The following MAF variants were observed in gnomAD, a reference collection of about 807,000 sequenced individuals.
MAF encodes the protein transcription factor Maf.
Under a neutral mutation model 22.0 loss-of-function variants are expected in MAF, and 10 were observed. That is an observed-to-expected ratio of 0.45 (90% CI 0.28 to 0.77). The LOEUF (loss-of-function observed/expected upper bound fraction) is 0.77, where lower values mean the gene tolerates loss of function less well. Ranked by LOEUF, MAF falls within the 30% of genes least tolerant of loss-of-function variation. The pLI, the probability that MAF is intolerant of heterozygous loss-of-function variation, is 0.12. For synonymous variants in MAF, 337 were observed against 255.8 expected (o/e 1.32, Z -3.03); for missense variants, 544 against 548.4 (o/e 0.99, Z 0.08).
chr16:79,458,793 A>G, the MAF span, among the ~76,000 whole-genome samples: 1 of 152,172 alleles, frequency 6.6e-6, no homozygotes, highest in African/African-American at 2.4e-5. Flanking sequence ...CAAAGGTCAA[A>G]AGGGAGATGT....
At chr16:79,242,735 A>T in the MAF span, among the ~76,000 whole-genome samples, 2 of 152,050 alleles carry the variant, frequency 1.3e-5, no homozygotes, top group Non-Finnish European at 2.9e-5. Context: ...CTCCACCCCA[A>T]ATCAACAAAA....
chr16:79,425,263 G>A, the MAF span, among the ~76,000 whole-genome samples: 1 of 152,088 alleles, frequency 6.6e-6, no homozygotes, highest in Non-Finnish European at 1.5e-5. Flanking sequence ...GGAGGTTCCT[G>A]TGGCTACATC....
At chr16:79,481,585 C>T in the MAF span, among the ~76,000 whole-genome samples, 6 of 152,062 alleles carry the variant, frequency 3.9e-5, no homozygotes, top group South Asian at 2.1e-4. Flanking sequence ...TCAATCTATT[C>T]GCCCATCCAT....
the MAF span, among the ~76,000 whole-genome samples, chr16:79,395,362 A>G: frequency 1.3e-4 from 20 of 152,324 alleles, no homozygotes; most frequent in African/African-American, 4.8e-4. Flanking sequence ...AGATAGGGGT[A>G]CCAGGTTGAA....
the MAF span, among the ~76,000 whole-genome samples, chr16:79,356,343 A>C: frequency 4.6e-5 from 7 of 151,886 alleles, no homozygotes; most frequent in African/African-American, 1.7e-4. Context: ...AGGCCACATC[A>C]TCATCTCGGG....
intron 1 of MAF, among the ~76,000 whole-genome samples, chr16:79,586,311 T>C (rs1912836462): frequency 2.0e-5 from 3 of 152,214 alleles, no homozygotes; most frequent in Admixed American, 6.5e-5. Context: ...ATCATTTCTG[T>C]TGGGCTTCTC....
the MAF span, among the ~76,000 whole-genome samples, chr16:79,469,319 G>C: frequency 6.6e-6 from 1 of 152,172 alleles, no homozygotes; most frequent in Non-Finnish European, 1.5e-5. Context: ...GAAAAAGTTT[G>C]CTGATTCTTA....
chr16:79,468,276 C>G, the MAF span, among the ~76,000 whole-genome samples: 1 of 152,204 alleles, frequency 6.6e-6, no homozygotes, highest in Non-Finnish European at 1.5e-5. Flanking sequence ...CAAGAAGTGC[C>G]TTCCCCTGTG....
the MAF span, among the ~76,000 whole-genome samples, chr16:79,228,205 C>T: frequency 6.6e-6 from 1 of 152,182 alleles, no homozygotes; most frequent in South Asian, 2.1e-4. Context: ...CTTGCCCAGC[C>T]ACATTATTTT....
the MAF span, among the ~76,000 whole-genome samples, chr16:79,319,772 C>T: frequency 2.0e-5 from 3 of 152,168 alleles, no homozygotes; most frequent in South Asian, 4.1e-4. Context: ...TGATTCTCTG[C>T]TTTCCTGGAG....
chr16:79,458,655 C>A, the MAF span, among the ~76,000 whole-genome samples: 1 of 152,140 alleles, frequency 6.6e-6, no homozygotes, highest in Non-Finnish European at 1.5e-5. Context: ...TGTCCTTTTA[C>A]ATAAAAAAGT....
At chr16:79,375,509 T>C in the MAF span, among the ~76,000 whole-genome samples, 1 of 152,104 alleles carries the variant, frequency 6.6e-6, no homozygotes, top group African/African-American at 2.4e-5. Context: ...GTGATGATGA[T>C]GATGATATAT....
At chr16:79,439,981 G>A in the MAF span, among the ~76,000 whole-genome samples, 2 of 152,206 alleles carry the variant, frequency 1.3e-5, no homozygotes, top group African/African-American at 2.4e-5. Context: ...GGCCACAGGC[G>A]CTTCACTGAG....
At chr16:79,499,273 T>C in the MAF span, among the ~76,000 whole-genome samples, 1 of 152,180 alleles carries the variant, frequency 6.6e-6, no homozygotes, top group South Asian at 2.1e-4. Context: ...TCTGTTCCTT[T>C]TGGGTCTCAT....
At chr16:79,545,297 G>A in the MAF span, among the ~76,000 whole-genome samples, 1 of 152,174 alleles carries the variant, frequency 6.6e-6, no homozygotes, top group African/African-American at 2.4e-5. Flanking sequence ...CAGTGTCTGT[G>A]TACTGAGTGA....
chr16:79,596,679 C>T, intron 1 of MAF: 2 of 1,037,250 alleles, frequency 1.9e-6, no homozygotes, highest in Non-Finnish European at 2.3e-6. Flanking sequence ...ATTTACTTTT[C>T]ATTTCTTTTT....
the MAF span, among the ~76,000 whole-genome samples, chr16:79,266,013 C>G: frequency 6.6e-6 from 1 of 152,068 alleles, no homozygotes; most frequent in Non-Finnish European, 1.5e-5. Context: ...TTCCTCTCCT[C>G]TCCTTTCTTT....
the MAF span, among the ~76,000 whole-genome samples, chr16:79,373,319 T>C: frequency 6.8e-6 from 1 of 147,818 alleles, no homozygotes; most frequent in African/African-American, 2.5e-5. Flanking sequence ...AATTAATTCA[T>C]CTATGGGTTA....
the MAF span, among the ~76,000 whole-genome samples, chr16:79,278,603 G>T: frequency 6.6e-6 from 1 of 152,100 alleles, no homozygotes; most frequent in East Asian, 1.9e-4. Context: ...TGCTTTTTCC[G>T]TGTCTGTGTC....
Sources: allele counts gnomAD v4.1 joint callset (sites outside exome capture counted in the v4.1 genomes callset), GRCh38; gene constraint gnomAD v4.1.1; transcripts MANE v1.5; gene names NCBI Gene and HGNC (gene_info 2026-07-23, HGNC 2026-07-21).